The following CNTNAP5 variants were observed in gnomAD, a reference collection of about 807,000 sequenced individuals.
CNTNAP5 encodes contactin-associated protein-like 5.
A neutral mutation model predicts 150.2 loss-of-function variants in CNTNAP5; 72 were observed. The observed-to-expected ratio is 0.48, with a 90% CI of 0.40 to 0.58. The LOEUF is 0.58. Ranked by LOEUF, CNTNAP5 falls within the 20% of genes least tolerant of loss-of-function variation. The pLI, the probability that CNTNAP5 is intolerant of heterozygous loss-of-function variation, is 0.00. For missense variants in CNTNAP5, 1,636 were observed against 1,626.2 expected (o/e 1.01, Z -0.10); for synonymous variants, 672 against 619.8 (o/e 1.08, Z -1.25).
At chr2:124,614,369 G>A (rs1677451820) in intron 12 of CNTNAP5, among the ~76,000 whole-genome samples, 1 of 152,168 alleles carries the variant, frequency 6.6e-6, no homozygotes, top group South Asian at 2.1e-4. Flanking sequence ...AGTCTATACA[G>A]TAAAGTTAAA....
intron 1 of CNTNAP5, among the ~76,000 whole-genome samples, chr2:124,091,593 A>T (rs750626411): frequency 1.3e-5 from 2 of 152,190 alleles, no homozygotes; most frequent in Non-Finnish European, 2.9e-5. Context: ...CTTTCCAATA[A>T]CTGTGAGTTT....
intron 3 of CNTNAP5, among the ~76,000 whole-genome samples, chr2:124,333,005 G>T (rs1385843757): frequency 6.6e-6 from 1 of 152,126 alleles, no homozygotes; most frequent in Admixed American, 6.6e-5. Flanking sequence ...CAAACCCAAA[G>T]ATATACACAC....
chr2:124,410,468 C>G (rs1426305879), intron 3 of CNTNAP5, among the ~76,000 whole-genome samples: 1 of 147,692 alleles, frequency 6.8e-6, no homozygotes, highest in African/African-American at 2.5e-5. Flanking sequence ...AAATTGACCA[C>G]ATACTTGGAA....
At chr2:124,313,274 G>A (rs749620613) in intron 3 of CNTNAP5, among the ~76,000 whole-genome samples, 104 of 152,014 alleles carry the variant, frequency 6.8e-4, no homozygotes, top group Non-Finnish European at 1.2e-3. Flanking sequence ...GTTTTGTTTC[G>A]TTTTGTTTTG....
intron 1 of CNTNAP5, among the ~76,000 whole-genome samples, chr2:124,041,986 G>T (rs1433137655): frequency 6.6e-6 from 1 of 152,010 alleles, no homozygotes; most frequent in Non-Finnish European, 1.5e-5. Context: ...CTCAGCCTCC[G>T]AATAGCTGGG....
At chr2:124,671,424 A>G (rs1401794781) in intron 13 of CNTNAP5, among the ~76,000 whole-genome samples, 1 of 152,228 alleles carries the variant, frequency 6.6e-6, no homozygotes, top group Non-Finnish European at 1.5e-5. Context: ...CTCACCTGTA[A>G]AATGGGGTTG....
Position 124,510,301 on chromosome 2 carries a change from C to CTATATATCTATATCTATATATCTA in CNTNAP5, c.1327+5752_1327+5753insCTATATCTATATATCTATATATAT, listed in dbSNP as rs1553474658. 1.0e-3 allele frequency among the ~76,000 whole-genome samples: 109 copies of CTATATATCTATATCTATATATCTA among 106,044 alleles called. 2 individuals are homozygous for CTATATATCTATATCTATATATCTA. The highest frequency in any genetic ancestry group is 3.0e-3 in the East Asian group (12 of 3,968). The allele number at this position is 106,044 out of a possible 152,430, so 69.6% of individuals were successfully genotyped here. ...TATCTATATCTATATATCTATATATCTATATATATATCTATATATCTATCT... is the reference window on the plus strand; with the variant it reads ...TATCTATATCTATATATCTATATATCTATATATCTATATCTATATATCTATATATATATATCTATATATCTATCT... On this transcript the variant is annotated intron_variant, in intron 8 of 23. Coordinates refer to ENST00000682447, the MANE Select transcript of CNTNAP5 (RefSeq NM_001367498.1).
intron 3 of CNTNAP5, among the ~76,000 whole-genome samples, chr2:124,329,945 T>C (rs934546290): frequency 2.0e-5 from 3 of 152,170 alleles, no homozygotes; most frequent in African/African-American, 7.2e-5. Flanking sequence ...TATCTTCACT[T>C]GGAAATGAAC....
chr2:124,763,233 A>AACC (rs1171013566), intron 14 of CNTNAP5, among the ~76,000 whole-genome samples: 1 of 152,166 alleles, frequency 6.6e-6, no homozygotes, highest in African/African-American at 2.4e-5. Flanking sequence ...ACTTGATTAA[A>AACC]ACCTGTTGGC....
chr2:124,291,285 C>A (rs1688284602), intron 3 of CNTNAP5, among the ~76,000 whole-genome samples: 1 of 151,916 alleles, frequency 6.6e-6, no homozygotes, highest in Non-Finnish European at 1.5e-5. Context: ...TTTTTGCTTT[C>A]ATTTTTATTA....
chr2:124,431,653 T>C lies in CNTNAP5; in HGVS notation c.530-2831T>C, dbSNP rs1692389592. On this transcript the variant is annotated intron_variant, in intron 4 of 23. Coordinates refer to ENST00000682447, the MANE Select transcript of CNTNAP5 (RefSeq NM_001367498.1). ...TATATATAATTTCTTTATATAAACATTATATATAATTTCTTTATATAAATA... is the reference window on the plus strand; with the variant it reads ...TATATATAATTTCTTTATATAAACACTATATATAATTTCTTTATATAAATA... 2.0e-5 allele frequency among the ~76,000 whole-genome samples: 3 copies of C among 146,502 alleles called. No homozygotes were observed. In the South Asian group the frequency reaches 6.3e-4, roughly 31 times the overall value.
chr2:124,157,173 AG>A (rs1414471369), intron 1 of CNTNAP5, among the ~76,000 whole-genome samples: 3 of 131,644 alleles, frequency 2.3e-5, no homozygotes, highest in Non-Finnish European at 5.2e-5. Flanking sequence ...CAGGATTTGC[AG>A]GTTGCACCGT....
chr2:124,748,384 T>G (rs1680653194), intron 14 of CNTNAP5, among the ~76,000 whole-genome samples: 1 of 152,172 alleles, frequency 6.6e-6, no homozygotes, highest in South Asian at 2.1e-4. Context: ...AGTTTGAAGC[T>G]TCCATGCCCA....
intron 1 of CNTNAP5, among the ~76,000 whole-genome samples, chr2:124,091,975 C>A (rs190349161): frequency 1.7e-4 from 26 of 152,166 alleles, no homozygotes; most frequent in African/African-American, 6.0e-4. Context: ...GGCTTCTGTG[C>A]CTTCTTTGTG....
At chr2:124,834,135 G>A (rs1412126737) in intron 19 of CNTNAP5, among the ~76,000 whole-genome samples, 1 of 152,092 alleles carries the variant, frequency 6.6e-6, no homozygotes, top group Non-Finnish European at 1.5e-5. Flanking sequence ...TGAAATTGAG[G>A]AAGAGCAGTT....
At chr2:124,706,676 G>T (rs1679644423) in intron 13 of CNTNAP5, among the ~76,000 whole-genome samples, 1 of 151,322 alleles carries the variant, frequency 6.6e-6, no homozygotes, top group Admixed American at 6.6e-5. Flanking sequence ...GAACCTGGGA[G>T]GTGGAGGTTG....
intron 4 of CNTNAP5, among the ~76,000 whole-genome samples, chr2:124,426,687 T>G (rs943743782): frequency 6.6e-6 from 1 of 152,176 alleles, no homozygotes; most frequent in Non-Finnish European, 1.5e-5. Context: ...GGATTCAAGC[T>G]TGGAATCTTC....
chr2:124,113,779 G>T (rs559337099), intron 1 of CNTNAP5, among the ~76,000 whole-genome samples: 1 of 151,518 alleles, frequency 6.6e-6, no homozygotes. Flanking sequence ...TTTCACATCC[G>T]TATTTATAAT....
At chr2:124,714,715 G>A (rs1046993386) in intron 13 of CNTNAP5, among the ~76,000 whole-genome samples, 3 of 151,202 alleles carry the variant, frequency 2.0e-5, no homozygotes, top group Non-Finnish European at 4.4e-5. Flanking sequence ...ACTATATATT[G>A]TATAATAATA....
Sources: gnomAD v4.1 joint callset for allele counts (sites outside exome capture counted in the v4.1 genomes callset) on GRCh38, gnomAD v4.1.1 for gene constraint, MANE v1.5 for transcripts, NCBI Gene and HGNC (gene_info 2026-07-23, HGNC 2026-07-21) for gene names.